The following ENDOV variants were observed in gnomAD, a reference collection of about 807,000 sequenced individuals.
ENDOV encodes the protein hEndoV.
In ENDOV, 37 loss-of-function variants were observed where a neutral mutation model predicts 39.4. The observed-to-expected ratio is 0.94, with a 90% CI of 0.72 to 1.23. ENDOV has a LOEUF of 1.23. ENDOV is among the 50% of genes most tolerant of loss of function. ENDOV has a pLI of 0.00. For missense variants in ENDOV, 441 were observed against 375.7 expected (o/e 1.17, Z -1.44); for synonymous variants, 186 against 163.4 (o/e 1.14, Z -1.05).
chr17:80,428,465 A>C lies in ENDOV; in HGVS notation c.715-131A>C, dbSNP rs966169007. On this transcript the variant is annotated intron_variant, in intron 7 of 9. Coordinates refer to ENST00000518137, the MANE Select transcript of ENDOV (RefSeq NM_173627.5). ...GACAGGGCCGCGGCTCCTGAGCCTGAAGAACTGGCTGTGACCTGTGTGTCC... is the reference window on the plus strand; with the variant it reads ...GACAGGGCCGCGGCTCCTGAGCCTGCAGAACTGGCTGTGACCTGTGTGTCC... 1.3e-5 allele frequency: 11 copies of C among 863,078 alleles called. No homozygotes were observed. In the African/African-American group the frequency reaches 1.7e-4, roughly 13 times the overall value. The allele number at this position is 863,078 out of a possible 1,614,324, so 53.5% of individuals were successfully genotyped here. A position where few individuals can be genotyped will look rare whatever the true frequency, so the allele number is the denominator to read the frequency against.
intron 2 of ENDOV, among the ~76,000 whole-genome samples, chr17:80,416,485 C>A (rs2081204748): frequency 6.6e-6 from 1 of 152,088 alleles, no homozygotes; most frequent in African/African-American, 2.4e-5. Flanking sequence ...TTTTATTCTG[C>A]CTCTTAAATG....
chr17:80,428,669 C>T lies in ENDOV; in HGVS notation c.779+9C>T, dbSNP rs747393934. ...GGGCCACCCACACCGAGGTGAGCACCCAGGGAGGCTGGGGCACTAAAGGGG... is the reference window on the plus strand; with the variant it reads ...GGGCCACCCACACCGAGGTGAGCACTCAGGGAGGCTGGGGCACTAAAGGGG... On this transcript the variant is annotated intron_variant, in intron 8 of 9. Transcript: ENST00000518137. The T allele has an allele frequency of 6.4e-7, 1 of 1,572,780 alleles. No homozygotes were observed. Among genetic ancestry groups the T allele is most frequent in the Non-Finnish European group, 8.6e-7 (1 of 1,159,442 alleles).
intron 8 of ENDOV, 25 bp from the exon 9 acceptor site, chr17:80,429,748 G>A (rs752566489): frequency 1.3e-6 from 2 of 1,590,270 alleles, no homozygotes; most frequent in South Asian, 1.1e-5. Context: ...ATCTGATGCT[G>A]TCCCTTTCTC....
At chr17:80,424,912 G>A (rs574065524) in intron 5 of ENDOV, 120 bp from the exon 6 acceptor site, 8 of 776,058 alleles carry the variant, frequency 1.0e-5, no homozygotes, top group African/African-American at 6.9e-5. Context: ...CTGAGATCGC[G>A]CCACTGTACT....
At chr17:80,432,014 T>C (rs1187664707) in intron 9 of ENDOV, among the ~76,000 whole-genome samples, 1 of 151,878 alleles carries the variant, frequency 6.6e-6, no homozygotes, top group Non-Finnish European at 1.5e-5. Context: ...TGTGGAGCTG[T>C]GTGAGCCTCG....
chr17:80,423,519 G>C lies in ENDOV; in HGVS notation c.404-1G>C. On this transcript the variant is annotated splice_acceptor_variant, in intron 4 of 9. Transcript: ENST00000518137. LOFTEE classifies it high-confidence loss of function. ...ACCCCACCCTCCTTTCTCTCTGGCAGGCTTTGGGGTGGCCTGCCACCTTGG... is the reference window on the plus strand; with the variant it reads ...ACCCCACCCTCCTTTCTCTCTGGCACGCTTTGGGGTGGCCTGCCACCTTGG... 1 of 1,513,526 alleles carries C rather than the reference G, an allele frequency of 6.6e-7. No individual in the cohort carries two copies. The highest frequency in any genetic ancestry group is 8.9e-7 in the Non-Finnish European group (1 of 1,123,650). The allele number at this position is 1,513,526 out of a possible 1,614,324, so 93.8% of individuals were successfully genotyped here. A position where few individuals can be genotyped will look rare whatever the true frequency, so the allele number is the denominator to read the frequency against.
intron 9 of ENDOV, among the ~76,000 whole-genome samples, chr17:80,430,722 A>C (rs1400774591): frequency 6.6e-6 from 1 of 152,188 alleles, no homozygotes; most frequent in African/African-American, 2.4e-5. Flanking sequence ...GTTGGGTGCC[A>C]GGCTCTGTGC....
intron 1 of ENDOV, 114 bp downstream of exon 1, chr17:80,415,364 C>T: frequency 7.6e-7 from 1 of 1,309,168 alleles, no homozygotes; most frequent in Non-Finnish European, 1.1e-6. Flanking sequence ...CCGCCCGAGA[C>T]TCCAAAGCAA....
chr17:80,423,616 C>T lies in ENDOV; in HGVS notation c.500C>T (p.Ala167Val), dbSNP rs1349103103. ...LLQVDGLENNALHKEKIRLLQ... is the reference protein window; with the variant it reads ...LLQVDGLENNVLHKEKIRLLQ... ...CAGGTGGATGGGCTGGAGAACAACG[C>T]CCTGCACAAGGAGAAGGTGAGGAGG... Residue 167 changes from alanine to valine, a missense_variant, in exon 5 of 10, where the codon GCC becomes GTC. Coordinates refer to ENST00000518137, the MANE Select transcript of ENDOV (RefSeq NM_173627.5). The T allele has an allele frequency of 6.4e-7, 1 of 1,552,592 alleles. No homozygotes were observed. Among genetic ancestry groups the T allele is most frequent in the Non-Finnish European group, 8.7e-7 (1 of 1,148,718 alleles).
chr17:80,430,643 G>A (rs1035318721), intron 9 of ENDOV, among the ~76,000 whole-genome samples: 12 of 152,222 alleles, frequency 7.9e-5, no homozygotes, highest in Non-Finnish European at 1.8e-4. Flanking sequence ...GGCCGAGGAC[G>A]GGGGCAGCAC....
chr17:80,431,178 C>T (rs1463356147), intron 9 of ENDOV, among the ~76,000 whole-genome samples: 1 of 152,218 alleles, frequency 6.6e-6, no homozygotes, highest in Non-Finnish European at 1.5e-5. Flanking sequence ...TGGCGCGCCT[C>T]CATGCCCCTT....
chr17:80,429,519 G>GCCTC (rs1333667750), intron 8 of ENDOV, among the ~76,000 whole-genome samples: 2 of 152,172 alleles, frequency 1.3e-5, no homozygotes, highest in Admixed American at 6.5e-5. Context: ...CTGTTCCCAG[G>GCCTC]CCTCCCTAGG....
At position 80,436,314 on chromosome 17, in the gene ENDOV, G is replaced by A. The variant is rs191274666; in HGVS notation, c.*171G>A. 6.5e-5 allele frequency: 103 copies of A among 1,575,106 alleles called. No individual in the cohort carries two copies. The African/African-American group carries it at 1.2e-3, about 19-fold the overall frequency. On this transcript the variant is annotated 3_prime_UTR_variant, in exon 10 of 10. Transcript: ENST00000518137. The stretch of plus-strand genomic sequence containing the variant: ...ACACGTCCTCGTCTCGTTCCTGATC[G>A]AACGTGGTGGTGAGAGCACACGTCC...
chr17:80,425,164 A>G (rs2082533422), intron 6 of ENDOV, 64 bp downstream of exon 6: 3 of 1,421,686 alleles, frequency 2.1e-6, no homozygotes, highest in Non-Finnish European at 2.9e-6. Flanking sequence ...GCAGGCAGAC[A>G]CAGGTGCATG....
chr17:80,423,177 T>C (rs1258593169), intron 4 of ENDOV, among the ~76,000 whole-genome samples: 1 of 152,222 alleles, frequency 6.6e-6, no homozygotes, highest in Non-Finnish European at 1.5e-5. Flanking sequence ...ACCCACATGC[T>C]CGTGCCAGCG....
chr17:80,428,481 C>A, intron 7 of ENDOV, 115 bp from the exon 8 acceptor site: 1 of 988,490 alleles, frequency 1.0e-6, no homozygotes, highest in South Asian at 1.5e-5. Flanking sequence ...TGGCTGTGAC[C>A]TGTGTGTCCT....
intron 4 of ENDOV, 131 bp downstream of exon 4, chr17:80,422,376 C>T: frequency 9.0e-7 from 1 of 1,110,472 alleles, no homozygotes; most frequent in Non-Finnish European, 1.3e-6. Flanking sequence ...TGGCTTCTTT[C>T]TCGGCGCAAC....
At chr17:80,431,802 G>A (rs1012809537) in intron 9 of ENDOV, among the ~76,000 whole-genome samples, 17 of 152,218 alleles carry the variant, frequency 1.1e-4, no homozygotes, top group East Asian at 5.8e-4. Context: ...GGATGGGGAC[G>A]GCTCACGGCC....
rs756499396 is a variant in ENDOV, at chr17:80,415,220, CG to C, written c.27del (p.Pro10ArgfsTer15). The stretch of plus-strand genomic sequence containing the variant: ...ATGGCCCTGGAGGCGGCGGGAGGGC[CG>C]CCGGAGGAAACGCTGTCACTGTGGA... MALEAAGG[P>X]PEETLSLWKR... On this transcript the variant is annotated frameshift_variant, in exon 1 of 10. Coordinates refer to ENST00000518137, the MANE Select transcript of ENDOV (RefSeq NM_173627.5). LOFTEE classifies it high-confidence loss of function. The C allele has an allele frequency of 5.6e-6, 9 of 1,613,378 alleles. No individual in the cohort carries two copies. Among genetic ancestry groups the C allele is most frequent in the Non-Finnish European group, 7.6e-6 (9 of 1,179,720 alleles).
Sources: allele counts gnomAD v4.1 joint callset (sites outside exome capture counted in the v4.1 genomes callset), GRCh38; gene constraint gnomAD v4.1.1; transcripts MANE v1.5; gene names NCBI Gene and HGNC (gene_info 2026-07-23, HGNC 2026-07-21).